APMAP: variants seen among roughly 807,000 people sequenced by gnomAD.
APMAP encodes adipocyte plasma membrane-associated protein.
In APMAP, 33 loss-of-function variants were observed where a neutral mutation model predicts 43.6. That is an observed-to-expected ratio of 0.76 (90% CI 0.57 to 1.01). APMAP has a LOEUF of 1.01. APMAP is among the 50% of genes least tolerant of loss of function. The pLI, the probability that APMAP is intolerant of heterozygous loss-of-function variation, is 0.00. For missense variants in APMAP, 498 were observed against 540.7 expected (o/e 0.92, Z 0.78); for synonymous variants, 224 against 216.7 (o/e 1.03, Z -0.30).
chr20:24,976,760 C>A (rs978851108), intron 3 of APMAP, among the ~76,000 whole-genome samples: 4 of 152,218 alleles, frequency 2.6e-5, no homozygotes, highest in African/African-American at 9.6e-5. Context: ...TTATTCATAA[C>A]TGCCAAAACT....
chr20:24,971,590 C>A lies in APMAP; in HGVS notation c.422-14G>T. 6.2e-7 allele frequency: 1 copy of A among 1,606,204 alleles called. No homozygotes were observed. On this transcript the variant is annotated splice_polypyrimidine_tract_variant and intron_variant, in intron 4 of 8. Transcript: ENST00000217456. ...CATCTCGGGTTTCTAGAAAAACAAA[C>A]AGATGGGGATTGGTAGCTGGTCCCG...
intron 8 of APMAP, among the ~76,000 whole-genome samples, chr20:24,964,648 G>A (rs1184158570): frequency 6.6e-6 from 1 of 152,186 alleles, no homozygotes; most frequent in Non-Finnish European, 1.5e-5. Flanking sequence ...CGGGACTGTT[G>A]AAGAGTATTA....
chr20:24,973,593 C>G, intron 4 of APMAP, 52 bp downstream of exon 4: 1 of 1,550,010 alleles, frequency 6.5e-7, no homozygotes, highest in South Asian at 1.1e-5. Flanking sequence ...AACGATCCAA[C>G]ATCTTTCTGA....
intron 1 of APMAP, among the ~76,000 whole-genome samples, chr20:24,985,454 C>G (rs144942566): frequency 0.015 from 2,233 of 152,222 alleles, 62 homozygotes; most frequent in African/African-American, 0.05. Context: ...CTCCCCAGAG[C>G]CTCCAGAAAC....
rs114680230 is a variant in APMAP at position 24,969,185 on chromosome 20, G to A, written c.849-101C>T. On this transcript the variant is annotated intron_variant, in intron 7 of 8. Transcript: ENST00000217456. ...CTGGTCTTGGTCCAAATATATATAT[G>A]GAAAGTGCTCTATGACCATCATGAA... 1.8e-3 allele frequency: 2,187 copies of A among 1,188,956 alleles called. 43 individuals are homozygous for A. In the African/African-American group the frequency reaches 0.031, roughly 17 times the overall value. The allele number at this position is 1,188,956 out of a possible 1,614,324, so 73.7% of individuals were successfully genotyped here. A position where few individuals can be genotyped will look rare whatever the true frequency, so the allele number is the denominator to read the frequency against.
At chr20:24,975,105 G>C (rs1241485807) in intron 3 of APMAP, among the ~76,000 whole-genome samples, 1 of 152,096 alleles carries the variant, frequency 6.6e-6, no homozygotes, top group Non-Finnish European at 1.5e-5. Flanking sequence ...AAGCTTTCCT[G>C]CTAAGATCAA....
intron 2 of APMAP, 68 bp from the exon 3 acceptor site, chr20:24,978,950 C>T (rs1422058121): frequency 1.6e-6 from 2 of 1,274,958 alleles, no homozygotes; most frequent in African/African-American, 2.9e-5. Context: ...GTACCGAGCA[C>T]CTGCTCTCAG....
chr20:24,978,712 C>A, intron 3 of APMAP, 55 bp downstream of exon 3: 1 of 1,174,976 alleles, frequency 8.5e-7, no homozygotes. Flanking sequence ...AGAACCCGCC[C>A]CCTCAGACAA....
At chr20:24,986,179 T>C (rs759588226) in intron 1 of APMAP, among the ~76,000 whole-genome samples, 14 of 152,222 alleles carry the variant, frequency 9.2e-5, no homozygotes, top group Non-Finnish European at 1.8e-4. Flanking sequence ...GAATTCTGTG[T>C]CTATTTTTCT....
chr20:24,970,824 G>A (rs1175758447), intron 5 of APMAP, among the ~76,000 whole-genome samples: 2 of 152,160 alleles, frequency 1.3e-5, no homozygotes, highest in Non-Finnish European at 2.9e-5. Flanking sequence ...CCCACAGGCA[G>A]GGCTACTATG....
chr20:24,987,986 A>C (rs947787795), intron 1 of APMAP, among the ~76,000 whole-genome samples: 1 of 152,154 alleles, frequency 6.6e-6, no homozygotes, highest in African/African-American at 2.4e-5. Flanking sequence ...GTGAACCCCA[A>C]AGAGAGACAA....
At chr20:24,978,744 C>T in intron 3 of APMAP, 23 bp downstream of exon 3, 1 of 1,311,184 alleles carries the variant, frequency 7.6e-7, no homozygotes, top group South Asian at 1.2e-5. Flanking sequence ...GAAGGCTCCC[C>T]CCCCACCCAA....
rs1378096631 is a variant in APMAP at position 24,968,992 on chromosome 20, C to G, written c.941G>C (p.Gly314Ala). ...FPDNIRPSSS[G>A]GYWVGMSTIR... ...GGTCGACATGCCCACCCAGTACCCC[C>G]CAGAGCTGCTGGGCCGGATGTTGTC... is the stretch of plus-strand genomic sequence containing the variant. The change falls in exon 8 of 9, where the codon GGG becomes GCG. Residue 314 changes from glycine to alanine, a missense_variant. Gly to Ala is a moderately conservative substitution (Grantham distance 60, BLOSUM62 0). Coordinates refer to ENST00000217456, the MANE Select transcript of APMAP (RefSeq NM_020531.3). 1.2e-6 allele frequency: 2 copies of G among 1,614,066 alleles called. No homozygotes were observed. The highest frequency in any genetic ancestry group is 1.7e-6 in the Non-Finnish European group (2 of 1,180,006).
intron 1 of APMAP, among the ~76,000 whole-genome samples, chr20:24,987,041 T>G (rs1345508452): frequency 1.3e-5 from 2 of 152,234 alleles, no homozygotes; most frequent in Non-Finnish European, 2.9e-5. Flanking sequence ...CCATCTAAGT[T>G]GCAGTATGTA....
chr20:24,988,963 C>T (rs1181509995), intron 1 of APMAP, among the ~76,000 whole-genome samples: 1 of 152,172 alleles, frequency 6.6e-6, no homozygotes. Flanking sequence ...GTAAGCACAG[C>T]TCCTGGACCC....
chr20:24,971,601 T>C (rs1568812515), intron 4 of APMAP, 25 bp from the exon 5 acceptor site: 2 of 1,585,758 alleles, frequency 1.3e-6, no homozygotes, highest in Admixed American at 3.3e-5. Flanking sequence ...AGATGGGGAT[T>C]GGTAGCTGGT....
intron 3 of APMAP, among the ~76,000 whole-genome samples, chr20:24,975,968 T>C (rs973611236): frequency 3.3e-5 from 5 of 152,300 alleles, no homozygotes; most frequent in South Asian, 4.1e-4. Context: ...TGGAACAAAT[T>C]TGTTTGCATC....
intron 1 of APMAP, among the ~76,000 whole-genome samples, chr20:24,992,165 G>A (rs2088198574): frequency 6.6e-6 from 1 of 152,216 alleles, no homozygotes; most frequent in Admixed American, 6.5e-5. Flanking sequence ...TTGCGAGCGG[G>A]GAACCAGGAA....
intron 2 of APMAP, among the ~76,000 whole-genome samples, chr20:24,982,794 TAGAA>T (rs1408267247): frequency 1.3e-5 from 2 of 151,968 alleles, no homozygotes; most frequent in Non-Finnish European, 2.9e-5. Flanking sequence ...AAAGAAGGGT[TAGAA>T]AGAGAGAAGC....
Sources: gnomAD v4.1 joint callset for allele counts (sites outside exome capture counted in the v4.1 genomes callset) on GRCh38, gnomAD v4.1.1 for gene constraint, MANE v1.5 for transcripts, NCBI Gene and HGNC (gene_info 2026-07-23, HGNC 2026-07-21) for gene names.